MTMR6: variants seen among roughly 807,000 people sequenced by gnomAD.
MTMR6 encodes the protein phosphatidylinositol-3,5-bisphosphate 3-phosphatase MTMR6.
Under a neutral mutation model 80.1 loss-of-function variants are expected in MTMR6, and 47 were observed. The ratio of observed to expected loss-of-function variants is 0.59; its 90% CI spans 0.46 to 0.75. The LOEUF is 0.75. Ranked by LOEUF, MTMR6 falls within the 30% of genes least tolerant of loss-of-function variation. The pLI is 0.00. For missense variants in MTMR6, 629 were observed against 730.9 expected, an observed-to-expected ratio of 0.86 and a Z score of 1.61; for synonymous variants, 254 against 253.0, an observed-to-expected ratio of 1.00 and a Z score of -0.04.
rs1957135956 is a variant in MTMR6 at position 25,253,807 on chromosome 13, C to T, written c.1303G>A (p.Gly435Arg). ...TTCTGACAATTTCCAAGGAAGTTTCCAAACTGGCATGAATGAATATGCTCA... is the reference window on the plus strand; with the variant it reads ...TTCTGACAATTTCCAAGGAAGTTTCTAAACTGGCATGAATGAATATGCTCA... The part of the protein sequence containing the change: ...IHEHIHSCQF[G>R]NFLGNCQKER... Residue 435 changes from glycine (G) to arginine (R), a missense_variant, in exon 11 of 14, where the codon GGA (glycine) becomes AGA (arginine). Physicochemically the swap from Gly to Arg is moderately radical, Grantham distance 125. Transcript: ENST00000381801. The T allele has an allele frequency of 1.2e-6, 2 of 1,613,872 alleles. No homozygotes were observed. The highest frequency in any genetic ancestry group is 2.7e-5 in the African/African-American group (2 of 74,886).
chr13:25,251,781 T>C lies in MTMR6; in HGVS notation c.1479-6A>G. ...GGTACATGTTCCTCCAAAACCTTTA[T>C]GACAAAAAAAAGTTTCAATAAATTG... On this transcript the variant is annotated splice_region_variant and splice_polypyrimidine_tract_variant and intron_variant, in intron 12 of 13. Transcript: ENST00000381801. This position sits in a 1 kb window ranked among gnomAD's most constrained non-coding sequence, Gnocchi z 4.1. 2 of 1,606,188 alleles carry C rather than the reference T, an allele frequency of 1.2e-6. No homozygotes were observed. Among genetic ancestry groups the C allele is most frequent in the Non-Finnish European group, 8.5e-7 (1 of 1,177,544 alleles).
intron 1 of MTMR6, among the ~76,000 whole-genome samples, chr13:25,274,641 C>T (rs1001983617): frequency 2.0e-5 from 3 of 152,088 alleles, no homozygotes; most frequent in African/African-American, 7.2e-5. Flanking sequence ...TCTTCACTAT[C>T]CCACACCAGG....
chr13:25,257,015 C>G (rs1346506355), intron 9 of MTMR6, among the ~76,000 whole-genome samples, 181 bp downstream of exon 9: 3 of 152,128 alleles, frequency 2.0e-5, no homozygotes, highest in Non-Finnish European at 4.4e-5. Context: ...GGCTGACCCC[C>G]CAGCAAAAAT....
At chr13:25,274,338 T>C in intron 1 of MTMR6, 151 bp from the exon 2 acceptor site, 1 of 549,916 alleles carries the variant, frequency 1.8e-6, no homozygotes. Context: ...TCCATATATC[T>C]TTTTGGGGAA....
intron 1 of MTMR6, among the ~76,000 whole-genome samples, chr13:25,278,499 T>C (rs1381263152): frequency 6.6e-6 from 1 of 151,984 alleles, no homozygotes; most frequent in Non-Finnish European, 1.5e-5. Flanking sequence ...GGAGGGTGGA[T>C]CACCTCAGGT....
Position 25,251,697 on chromosome 13 carries a change from C to T in MTMR6, c.1557G>A (p.Met519Ile). 1 of 1,562,104 alleles carries T rather than the reference C, an allele frequency of 6.4e-7. No individual in the cohort carries two copies. Among genetic ancestry groups the T allele is most frequent in the Non-Finnish European group, 8.8e-7 (1 of 1,138,560 alleles). Residue 519 changes from methionine (M) to isoleucine (I), a missense_variant, in exon 13 of 14, where the codon ATG becomes ATA. Physicochemically the swap from Met to Ile is conservative, Grantham distance 10 (BLOSUM62 1). Transcript: ENST00000381801. This position sits in a 1 kb window ranked among gnomAD's most constrained non-coding sequence, Gnocchi z 4.1. ...TCTCTAATTGTTTATTTTGCTCATT[C>T]ATATTCATAATTATATTAAATACAG... is the stretch of plus-strand genomic sequence containing the variant. ...RQSVFNIIMN[M>I]NEQNKQLEKD... is the part of the protein sequence containing the mutation.
At chr13:25,257,142 A>G (rs1593144151) in intron 9 of MTMR6, 54 bp downstream of exon 9, 1 of 1,536,400 alleles carries the variant, frequency 6.5e-7, no homozygotes, top group East Asian at 2.4e-5. Context: ...CCTCTGGAGG[A>G]ACATAAAATT....
At chr13:25,263,810 C>G (rs552921182) in intron 5 of MTMR6, among the ~76,000 whole-genome samples, 5 of 152,130 alleles carry the variant, frequency 3.3e-5, no homozygotes, top group Non-Finnish European at 7.3e-5. Flanking sequence ...CACTGGAACC[C>G]AGGAGGCGGA....
At chr13:25,258,794 T>A in intron 6 of MTMR6, 102 bp from the exon 7 acceptor site, 1 of 1,002,248 alleles carries the variant, frequency 1.0e-6, no homozygotes, top group Non-Finnish European at 1.4e-6. Flanking sequence ...AGGAGGCAGT[T>A]TAAAGGAACT....
intron 1 of MTMR6, among the ~76,000 whole-genome samples, chr13:25,278,547 C>G: frequency 6.6e-6 from 1 of 151,946 alleles, no homozygotes; most frequent in East Asian, 1.9e-4. Context: ...ATGGTGAAAC[C>G]CTGTCTCTAC....
intron 6 of MTMR6, among the ~76,000 whole-genome samples, chr13:25,260,245 C>T (rs930220996): frequency 4.7e-5 from 7 of 149,972 alleles, no homozygotes; most frequent in Admixed American, 2.0e-4. Context: ...CTCGGCTCAC[C>T]ACAACCTCCG....
In MTMR6 at chr13:25,287,296, C is replaced by G. The variant is rs557543924; in HGVS notation, c.-49G>C. On this transcript the variant is annotated 5_prime_UTR_variant, in exon 1 of 14. Coordinates refer to ENST00000381801, the MANE Select transcript of MTMR6 (RefSeq NM_004685.5). ...CCGGTCTCACAGGCGTACCATACGG[C>G]TACAGAAACAGGGCGGTGACAGCGA... 2 of 1,570,034 alleles carry G rather than the reference C, an allele frequency of 1.3e-6. No homozygotes were observed. The highest frequency in any genetic ancestry group is 2.7e-5 in the African/African-American group (2 of 73,790).
chr13:25,269,444 G>A (rs758846856), intron 2 of MTMR6, among the ~76,000 whole-genome samples: 5 of 151,940 alleles, frequency 3.3e-5, no homozygotes, highest in Non-Finnish European at 7.4e-5. Flanking sequence ...ATAATATTTT[G>A]TTTGCTACTA....
chr13:25,259,635 G>A (rs1957288586), intron 6 of MTMR6, among the ~76,000 whole-genome samples: 1 of 151,990 alleles, frequency 6.6e-6, no homozygotes, highest in Non-Finnish European at 1.5e-5. Context: ...AACAATCAAA[G>A]AATGATATAT....
intron 6 of MTMR6, among the ~76,000 whole-genome samples, chr13:25,260,951 A>G (rs1957321813): frequency 6.6e-6 from 1 of 152,110 alleles, no homozygotes; most frequent in African/African-American, 2.4e-5. Context: ...ATTTCAAGCT[A>G]AAATCCATTA....
chr13:25,263,615 G>A (rs549197831), intron 5 of MTMR6, among the ~76,000 whole-genome samples: 11 of 151,884 alleles, frequency 7.2e-5, no homozygotes, highest in African/African-American at 2.4e-4. Context: ...AGCCAGGCAC[G>A]GTGGCTCACA....
intron 7 of MTMR6, 103 bp from the exon 8 acceptor site, chr13:25,257,948 T>C (rs1593144751): frequency 3.3e-6 from 2 of 612,924 alleles, no homozygotes; most frequent in South Asian, 2.5e-5. Context: ...GAAGACAAAA[T>C]AAACAGGCAA....
At chr13:25,265,380 T>A (rs181477947) in intron 5 of MTMR6, among the ~76,000 whole-genome samples, 55 of 152,322 alleles carry the variant, frequency 3.6e-4, no homozygotes, top group African/African-American at 1.3e-3. Flanking sequence ...AGTTTTGTTT[T>A]AAATTTGCAA....
Position 25,249,221 on chromosome 13 carries a change from A to C in MTMR6, c.*11T>G. ...TTGTACTGCAATCATTGCAGAAAAAACTCTATGAGTCTAACAAGTCATTCT... is the reference window on the plus strand; with the variant it reads ...TTGTACTGCAATCATTGCAGAAAAACCTCTATGAGTCTAACAAGTCATTCT... On this transcript the variant is annotated 3_prime_UTR_variant, in exon 14 of 14. Transcript: ENST00000381801. 3 of 1,606,390 alleles carry C rather than the reference A, an allele frequency of 1.9e-6. No homozygotes were observed. The highest frequency in any genetic ancestry group is 2.7e-5 in the African/African-American group (2 of 74,706).
Sources: allele counts gnomAD v4.1 joint callset (sites outside exome capture counted in the v4.1 genomes callset), GRCh38; gene constraint gnomAD v4.1.1; non-coding constraint Gnocchi (gnomAD v3.1); transcripts MANE v1.5; gene names NCBI Gene and HGNC (gene_info 2026-07-23, HGNC 2026-07-21).